The following AGPAT1 variants were observed in gnomAD, a reference collection of about 807,000 sequenced individuals.
AGPAT1 encodes 1-acyl-sn-glycerol-3-phosphate acyltransferase alpha.
AGPAT1 carries 6 observed loss-of-function variants against 31.2 expected under a neutral mutation model. The observed-to-expected ratio is 0.19, with a 90% CI of 0.11 to 0.38. The LOEUF (loss-of-function observed/expected upper bound fraction) is 0.38. Among genes scored for constraint, AGPAT1 ranks in the 10% least tolerant of loss-of-function variants. The probability of loss-of-function intolerance (pLI) is 1.00; values close to 1 mark genes in which losing one functional copy is unlikely to be tolerated. For missense variants in AGPAT1, 187 were observed against 377.8 expected (o/e 0.49, Z 4.19); for synonymous variants, 139 against 154.0 (o/e 0.90, Z 0.72).
upstream of AGPAT1, chr6:32,176,948 C>A (rs950540356): frequency 4.3e-5 from 17 of 398,416 alleles, no homozygotes; most frequent in African/African-American, 1.6e-4. Context: ...TAGTTTTCCA[C>A]CCCCTCTTCT....
In AGPAT1 at chr6:32,173,195, G is replaced by C. The variant is rs1367046870; in HGVS notation, c.-9-1690C>G. 2 of 152,168 alleles carry C rather than the reference G, an allele frequency of 1.3e-5. No individual in the cohort carries two copies. Among genetic ancestry groups the C allele is most frequent in the African/African-American group, 4.8e-5 (2 of 41,416 alleles). 9.4% of individuals were successfully genotyped at this position (152,168 alleles called of 1,614,324 possible). The stretch of plus-strand genomic sequence containing the variant: ...CTTCCTCCACTCTGCCCCAGTGTTG[G>C]GGGCAGGGTAACAATTCACAAAAAG... On this transcript the variant is annotated intron_variant, in intron 1 of 6. Transcript: ENST00000375107. This position sits in a 1 kb window ranked among gnomAD's most constrained non-coding sequence, Gnocchi z 4.7.
rs1785466828 is a variant in AGPAT1, at chr6:32,175,564, C to G, written c.-10+250G>C. On this transcript the variant is annotated intron_variant, in intron 1 of 6. Coordinates refer to ENST00000375107, the MANE Select transcript of AGPAT1 (RefSeq NM_006411.4). The surrounding 1 kb of genome is among the most constrained non-coding windows in gnomAD (Gnocchi z 4.5). ...TAGGGAATTCCCTCTCCAGGATTCC[C>G]TGTGCACGCTCCCAGTCCCAAATTC... is the stretch of plus-strand genomic sequence containing the variant. Among the ~76,000 whole-genome samples, 1 of 151,946 alleles carries G rather than the reference C, an allele frequency of 6.6e-6. No individual in the cohort carries two copies. Among genetic ancestry groups the G allele is most frequent in the Non-Finnish European group, 1.5e-5 (1 of 67,946 alleles).
In AGPAT1 at chr6:32,174,961, G is replaced by C. The variant is rs1785404501; in HGVS notation, c.-10+853C>G. Among the ~76,000 whole-genome samples, 1 of 152,206 alleles carries C rather than the reference G, an allele frequency of 6.6e-6. No homozygotes were observed. The highest frequency in any genetic ancestry group is 2.4e-5 in the African/African-American group (1 of 41,442). On this transcript the variant is annotated intron_variant, in intron 1 of 6. Coordinates refer to ENST00000375107, the MANE Select transcript of AGPAT1 (RefSeq NM_006411.4). This position sits in a 1 kb window ranked among gnomAD's most constrained non-coding sequence, Gnocchi z 4.5. ...CACAGCAAACAGGCCAATTCAGTCAGACATCAGAGTGTGGGGTATTCAGCC... is the reference window on the plus strand; with the variant it reads ...CACAGCAAACAGGCCAATTCAGTCACACATCAGAGTGTGGGGTATTCAGCC...
chr6:32,174,150 A>G lies in AGPAT1; in HGVS notation c.-10+1664T>C, dbSNP rs1287226538. Among the ~76,000 whole-genome samples, 1 of 152,032 alleles carries G rather than the reference A, an allele frequency of 6.6e-6. No individual in the cohort carries two copies. The highest frequency in any genetic ancestry group is 1.9e-4 in the East Asian group (1 of 5,180). On this transcript the variant is annotated intron_variant, in intron 1 of 6. Coordinates refer to ENST00000375107, the MANE Select transcript of AGPAT1 (RefSeq NM_006411.4). This position sits in a 1 kb window ranked among gnomAD's most constrained non-coding sequence, Gnocchi z 4.5. ...GGCTGTAAGCAGCTTAAGGACAGGGACTCTGTCTTATCTCCAGTGCCAGGA... is the reference window on the plus strand; with the variant it reads ...GGCTGTAAGCAGCTTAAGGACAGGGGCTCTGTCTTATCTCCAGTGCCAGGA...
In AGPAT1 at chr6:32,169,559, C is replaced by T; in HGVS notation, c.680-111G>A. 2 of 1,336,716 alleles carry T rather than the reference C, an allele frequency of 1.5e-6. No homozygotes were observed. Among genetic ancestry groups the T allele is most frequent in the South Asian group, 1.3e-5 (1 of 74,664 alleles). The allele number at this position is 1,336,716 out of a possible 1,614,324, so 82.8% of individuals were successfully genotyped here. A position where few individuals can be genotyped will look rare whatever the true frequency, so the allele number is the denominator to read the frequency against. On this transcript the variant is annotated intron_variant, in intron 6 of 6. Transcript: ENST00000375107. This position sits in a 1 kb window ranked among gnomAD's most constrained non-coding sequence, Gnocchi z 5.9. ...CAACCTTTCAGTTCTCTTCCCCCAA[C>T]CCTGGACAACCATCCCTGGGCTTGC...
rs756223588 is a variant in AGPAT1, at chr6:32,174,322, A to G, written c.-10+1492T>C. ...ATCCTCTTGAGTAGAAGTGACTACT[A>G]AAAGAAGTCACTGAGAAAGTAACGA... On this transcript the variant is annotated intron_variant, in intron 1 of 6. Coordinates refer to ENST00000375107, the MANE Select transcript of AGPAT1 (RefSeq NM_006411.4). This position sits in a 1 kb window ranked among gnomAD's most constrained non-coding sequence, Gnocchi z 4.5. Among the ~76,000 whole-genome samples, 24 of 152,242 alleles carry G rather than the reference A, an allele frequency of 1.6e-4. No homozygotes were observed. The highest frequency in any genetic ancestry group is 2.9e-4 in the Non-Finnish European group (20 of 68,040).
Position 32,169,786 on chromosome 6 carries a change from C to T in AGPAT1, c.679+180G>A. ...CAGCCTCTCTTGGTGGGACCAAGTG[C>T]TACCCATCTGGCAGGGTATGGTGGG... On this transcript the variant is annotated intron_variant, in intron 6 of 6. Coordinates refer to ENST00000375107, the MANE Select transcript of AGPAT1 (RefSeq NM_006411.4). This position sits in a 1 kb window ranked among gnomAD's most constrained non-coding sequence, Gnocchi z 5.9. The T allele has an allele frequency of 1.6e-6, 1 of 644,604 alleles. No homozygotes were observed. Among genetic ancestry groups the T allele is most frequent in the South Asian group, 1.9e-5 (1 of 52,526 alleles). The allele number at this position is 644,604 out of a possible 1,614,324, so 39.9% of individuals were successfully genotyped here.
Position 32,175,631 on chromosome 6 carries a change from C to T in AGPAT1, c.-10+183G>A, listed in dbSNP as rs557433073. On this transcript the variant is annotated intron_variant, in intron 1 of 6. Coordinates refer to ENST00000375107, the MANE Select transcript of AGPAT1 (RefSeq NM_006411.4). This position sits in a 1 kb window ranked among gnomAD's most constrained non-coding sequence, Gnocchi z 4.5. ...CTCCTCCCTCCCAGGTCTCTTCCAT[C>T]CTTCCTCCCTCTCAGGTCCCCTCTC... 6.6e-6 allele frequency among the ~76,000 whole-genome samples: 1 copy of T among 152,166 alleles called. No homozygotes were observed. Among genetic ancestry groups the T allele is most frequent in the Admixed American group, 6.5e-5 (1 of 15,288 alleles).
Position 32,170,480 on chromosome 6 carries a change from G to A in AGPAT1, c.455C>T (p.Thr152Met), listed in dbSNP as rs763726315. ...AGVIFIDRKR[T>M]GDAISVMSEV... ...AGACATGACACTGATGGCATCCCCCGTGCGCTTCCGGTCGATGAAGATGAC... is the reference window on the plus strand; with the variant it reads ...AGACATGACACTGATGGCATCCCCCATGCGCTTCCGGTCGATGAAGATGAC... Residue 152 changes from threonine (T) to methionine (M), a missense_variant, in exon 4 of 7, where the codon ACG (threonine) becomes ATG (methionine). Thr to Met is a moderately conservative substitution (Grantham distance 81). Coordinates refer to ENST00000375107, the MANE Select transcript of AGPAT1 (RefSeq NM_006411.4). This position sits in a 1 kb window ranked among gnomAD's most constrained non-coding sequence, Gnocchi z 7.7. The A allele has an allele frequency of 6.2e-7, 1 of 1,613,060 alleles. No individual in the cohort carries two copies. Among genetic ancestry groups the A allele is most frequent in the South Asian group, 1.1e-5 (1 of 91,082 alleles).
Position 32,173,959 on chromosome 6 carries a change from G to A in AGPAT1, c.-10+1855C>T, listed in dbSNP as rs569346298. ...ACTCCTGGACTCACGCGATCCTCCT[G>A]CCTCAGCCTTCCAAACTGTTGGGAT... On this transcript the variant is annotated intron_variant, in intron 1 of 6. Transcript: ENST00000375107. The surrounding 1 kb of genome is among the most constrained non-coding windows in gnomAD (Gnocchi z 4.7). Among the ~76,000 whole-genome samples the A allele has an allele frequency of 3.9e-4, 60 of 152,250 alleles. No individual in the cohort carries two copies. The highest frequency in any genetic ancestry group is 3.5e-3 in the Admixed American group (53 of 15,286).
chr6:32,168,956 TG>T lies in AGPAT1; in HGVS notation c.*319del, dbSNP rs887355030. 2 of 425,968 alleles carry T rather than the reference TG, an allele frequency of 4.7e-6. No homozygotes were observed. Among genetic ancestry groups the T allele is most frequent in the Non-Finnish European group, 8.5e-6 (2 of 234,614 alleles). 26.4% of individuals were successfully genotyped at this position (425,968 alleles called of 1,614,324 possible). On this transcript the variant is annotated 3_prime_UTR_variant, in exon 7 of 7. Transcript: ENST00000375107. This position sits in a 1 kb window ranked among gnomAD's most constrained non-coding sequence, Gnocchi z 4.5. ...AAGACCACATAGGAAGAGACTCCAC[TG>T]GGGATGGAATGTTCCCCTCCCTTGT...
In AGPAT1 at chr6:32,171,356, G is replaced by A. The variant is rs756370870; in HGVS notation, c.141C>T (p.Phe47=). Residue 47 remains phenylalanine (F), a synonymous_variant, in exon 2 of 7, where the codon TTC becomes TTT. Coordinates refer to ENST00000375107, the MANE Select transcript of AGPAT1 (RefSeq NM_006411.4). This position sits in a 1 kb window ranked among gnomAD's most constrained non-coding sequence, Gnocchi z 6.9. ...KMAFYNGWIL[F]LAVLAIPVCA... ...ACACAGGGATGGCGAGCACAGCCAG[G>A]AAGAGGATCCAGCCATTGTAGAAGG... 5.0e-6 allele frequency: 8 copies of A among 1,613,078 alleles called. No individual in the cohort carries two copies. In the South Asian group the frequency reaches 8.8e-5, roughly 18 times the overall value.
In AGPAT1 at chr6:32,171,559, T is replaced by C; in HGVS notation, c.-9-54A>G. The C allele has an allele frequency of 6.5e-7, 1 of 1,534,150 alleles. No homozygotes were observed. The highest frequency in any genetic ancestry group is 8.7e-7 in the Non-Finnish European group (1 of 1,145,064). On this transcript the variant is annotated intron_variant, in intron 1 of 6. Transcript: ENST00000375107. The surrounding 1 kb of genome is among the most constrained non-coding windows in gnomAD (Gnocchi z 6.9). The stretch of plus-strand genomic sequence containing the variant: ...GCCTGGTTTCTGGAGGAGAGTGGGG[T>C]AGGCAAGGCACAGAAGGCAGGGCTG...
chr6:32,170,830 T>C lies in AGPAT1; in HGVS notation c.334+107A>G. ...GCCTGAGTGGGAGGCAAGGGGGCAA[T>C]GTCCCAGAGGAAGGGGAATTGAGGA... is the stretch of plus-strand genomic sequence containing the variant. On this transcript the variant is annotated intron_variant, in intron 3 of 6. Transcript: ENST00000375107. This position sits in a 1 kb window ranked among gnomAD's most constrained non-coding sequence, Gnocchi z 7.7. 1 of 1,435,400 alleles carries C rather than the reference T, an allele frequency of 7.0e-7. No homozygotes were observed. Among genetic ancestry groups the C allele is most frequent in the African/African-American group, 1.4e-5 (1 of 71,330 alleles). 88.9% of individuals were successfully genotyped at this position (1,435,400 alleles called of 1,614,324 possible).
upstream of AGPAT1, chr6:32,176,096 AC>A: frequency 1.0e-6 from 1 of 962,218 alleles, no homozygotes; most frequent in Non-Finnish European, 1.2e-6. Flanking sequence ...TTCCCCCGCC[AC>A]CCCTCCCCAA....
rs185865482 is a variant in AGPAT1 at position 32,175,468 on chromosome 6, G to C, written c.-10+346C>G. Reference sequence around the variant, plus strand: ...GTATTCCTAAGAGGCAAATTCTGCTGGCCTTCTCCCCTCATGACCCTTCAA... The same window carrying C: ...GTATTCCTAAGAGGCAAATTCTGCTCGCCTTCTCCCCTCATGACCCTTCAA... On this transcript the variant is annotated intron_variant, in intron 1 of 6. Coordinates refer to ENST00000375107, the MANE Select transcript of AGPAT1 (RefSeq NM_006411.4). The surrounding 1 kb of genome is among the most constrained non-coding windows in gnomAD (Gnocchi z 4.5). 1.9e-3 allele frequency among the ~76,000 whole-genome samples: 287 copies of C among 152,188 alleles called. No individual in the cohort carries two copies. The highest frequency in any genetic ancestry group is 6.7e-3 in the African/African-American group (280 of 41,520).
chr6:32,175,886 C>T lies in AGPAT1; in HGVS notation c.-82G>A. 1 of 986,490 alleles carries T rather than the reference C, an allele frequency of 1.0e-6. No individual in the cohort carries two copies. The highest frequency in any genetic ancestry group is 1.2e-6 in the Non-Finnish European group (1 of 830,788). 61.1% of individuals were successfully genotyped at this position (986,490 alleles called of 1,614,324 possible). On this transcript the variant is annotated 5_prime_UTR_variant, in exon 1 of 7. Transcript: ENST00000375107. The surrounding 1 kb of genome is among the most constrained non-coding windows in gnomAD (Gnocchi z 4.5). ...CTGCGGCAGCGGTGGTGGCGGATGGCTGTGTCTCTGTCTCTGTCGGGGTGT... is the reference window on the plus strand; with the variant it reads ...CTGCGGCAGCGGTGGTGGCGGATGGTTGTGTCTCTGTCTCTGTCGGGGTGT...
Position 32,168,681 on chromosome 6 carries a change from G to C in AGPAT1, c.*595C>G, listed in dbSNP as rs1784774948. 6.5e-6 allele frequency: 1 copy of C among 154,726 alleles called. No homozygotes were observed. The highest frequency in any genetic ancestry group is 6.3e-5 in the Admixed American group (1 of 15,756). The allele number at this position is 154,726 out of a possible 1,614,324, so 9.6% of individuals were successfully genotyped here. Reference sequence around the variant, plus strand: ...ACCCTGGGCATCTGGGCAAGGGCAGGCATGAGACCTCTGAATTAGAAGGGT... The same window carrying C: ...ACCCTGGGCATCTGGGCAAGGGCAGCCATGAGACCTCTGAATTAGAAGGGT... On this transcript the variant is annotated 3_prime_UTR_variant, in exon 7 of 7. Transcript: ENST00000375107. This position sits in a 1 kb window ranked among gnomAD's most constrained non-coding sequence, Gnocchi z 4.5.
In AGPAT1 at chr6:32,170,612, T is replaced by TG. The variant is rs1382207599; in HGVS notation, c.335-13dup. 1 of 1,609,238 alleles carries TG rather than the reference T, an allele frequency of 6.2e-7. No homozygotes were observed. Among genetic ancestry groups the TG allele is most frequent in the African/African-American group, 1.3e-5 (1 of 74,762 alleles). On this transcript the variant is annotated splice_polypyrimidine_tract_variant and intron_variant, in intron 3 of 6. Transcript: ENST00000375107. The surrounding 1 kb of genome is among the most constrained non-coding windows in gnomAD (Gnocchi z 7.7). Reference sequence around the variant, plus strand: ...TACCTCCATCATCCCTTGGGCAGGGTGGGAGTGGGTGAGGATCGGGGTGGA... The same window carrying TG: ...TACCTCCATCATCCCTTGGGCAGGGTGGGGAGTGGGTGAGGATCGGGGTGGA...
Sources: allele counts gnomAD v4.1 joint callset (sites outside exome capture counted in the v4.1 genomes callset), GRCh38; gene constraint gnomAD v4.1.1; non-coding constraint Gnocchi (gnomAD v3.1); transcripts MANE v1.5; gene names NCBI Gene and HGNC (gene_info 2026-07-23, HGNC 2026-07-21).